The following SULF1 variants were observed in gnomAD, a reference collection of about 807,000 sequenced individuals.
SULF1 encodes the protein sulfatase 1.
In SULF1, 46 loss-of-function variants were observed where a neutral mutation model predicts 110.5. That is an observed-to-expected ratio of 0.42 (90% confidence interval 0.33 to 0.53). The LOEUF is 0.53. Ranked by LOEUF, SULF1 falls within the 20% of genes least tolerant of loss-of-function variation. The pLI is 0.12. For missense variants in SULF1, 941 were observed against 1,094.2 expected, an observed-to-expected ratio of 0.86 and a Z score of 1.98; for synonymous variants, 371 against 387.1, an observed-to-expected ratio of 0.96 and a Z score of 0.49.
intron 13 of SULF1, among the ~76,000 whole-genome samples, chr8:69,615,662 A>T (rs1417002907): frequency 6.6e-6 from 1 of 152,200 alleles, no homozygotes; most frequent in Non-Finnish European, 1.5e-5. Flanking sequence ...TTGATTTCGT[A>T]TGATACATCA....
intron 5 of SULF1, among the ~76,000 whole-genome samples, chr8:69,565,257 C>T (rs1815793439): frequency 6.6e-6 from 1 of 151,306 alleles, no homozygotes; most frequent in Non-Finnish European, 1.5e-5. Flanking sequence ...TATTGATTTT[C>T]AGGCGACAGG....
At chr8:69,576,876 A>T (rs895029932) in intron 6 of SULF1, among the ~76,000 whole-genome samples, 4 of 152,202 alleles carry the variant, frequency 2.6e-5, no homozygotes, top group Admixed American at 6.5e-5. Flanking sequence ...ATAAGAATCA[A>T]ATATGTTATG....
intron 3 of SULF1, among the ~76,000 whole-genome samples, chr8:69,523,632 G>T (rs530931669): frequency 5.3e-5 from 8 of 152,118 alleles, no homozygotes; most frequent in Non-Finnish European, 1.2e-4. Flanking sequence ...GAAGGAGGTT[G>T]AGAATGTTTA....
intron 22 of SULF1, among the ~76,000 whole-genome samples, chr8:69,641,370 C>T (rs189672013): frequency 4.6e-5 from 7 of 152,036 alleles, no homozygotes; most frequent in Admixed American, 1.3e-4. Flanking sequence ...AAGCAGCAGC[C>T]GTAAGATTCT....
intron 19 of SULF1, among the ~76,000 whole-genome samples, chr8:69,631,701 T>C (rs1810560836): frequency 6.6e-6 from 1 of 152,212 alleles, no homozygotes; most frequent in Non-Finnish European, 1.5e-5. Flanking sequence ...CATCTCAAGC[T>C]CCCTCTCGCC....
At chr8:69,526,963 A>G (rs1812741265) in intron 3 of SULF1, among the ~76,000 whole-genome samples, 1 of 152,208 alleles carries the variant, frequency 6.6e-6, no homozygotes, top group Non-Finnish European at 1.5e-5. Flanking sequence ...AAAAATAATA[A>G]TAGACTCTTG....
In SULF1 at chr8:69,535,668, C is replaced by G. The variant is rs138873046; in HGVS notation, c.-133-27871C>G. On this transcript the variant is annotated intron_variant, in intron 3 of 22. Coordinates refer to ENST00000402687, the MANE Select transcript of SULF1 (RefSeq NM_001128205.2). Reference sequence around the variant, plus strand: ...GATGAGGGTGCCAACTAAGGAGAGCCAGTGGGGAGCAGGTATTAGAAAATG... The same window carrying G: ...GATGAGGGTGCCAACTAAGGAGAGCGAGTGGGGAGCAGGTATTAGAAAATG... Among the ~76,000 whole-genome samples, 508 of 152,062 alleles carry G rather than the reference C, an allele frequency of 3.3e-3. 3 individuals carry two copies. Among genetic ancestry groups the G allele is most frequent in the African/African-American group, 0.012 (486 of 41,480 alleles).
intron 13 of SULF1, 32 bp downstream of exon 13, chr8:69,604,964 CAT>C: frequency 6.2e-7 from 1 of 1,607,116 alleles, no homozygotes; most frequent in Non-Finnish European, 8.5e-7. Context: ...TACCACCACT[CAT>C]GTGCTTCTCC....
intron 13 of SULF1, among the ~76,000 whole-genome samples, chr8:69,608,298 A>G (rs916379158): frequency 3.9e-5 from 6 of 152,276 alleles, no homozygotes; most frequent in African/African-American, 9.6e-5. Context: ...TGAGACTGAG[A>G]TTTTCTCTAG....
chr8:69,658,671 T>C lies in SULF1; in HGVS notation c.*136T>C, dbSNP rs1056688288. On this transcript the variant is annotated 3_prime_UTR_variant, in exon 23 of 23. Coordinates refer to ENST00000402687, the MANE Select transcript of SULF1 (RefSeq NM_001128205.2). Reference sequence around the variant, plus strand: ...GGACTAATTACTTGAAGGATTTAGATAGAGTATTTGCACTGCTGAAGAGTC... The same window carrying C: ...GGACTAATTACTTGAAGGATTTAGACAGAGTATTTGCACTGCTGAAGAGTC... The C allele has an allele frequency of 1.3e-6, 1 of 771,490 alleles. No individual in the cohort carries two copies. Among genetic ancestry groups the C allele is most frequent in the Non-Finnish European group, 2.3e-6 (1 of 433,912 alleles). 47.8% of individuals were successfully genotyped at this position (771,490 alleles called of 1,614,324 possible).
chr8:69,615,311 C>T (rs1809008012), intron 13 of SULF1, among the ~76,000 whole-genome samples: 1 of 152,196 alleles, frequency 6.6e-6, no homozygotes, highest in African/African-American at 2.4e-5. Flanking sequence ...TCTAAGATCA[C>T]CACTTTAGTT....
chr8:69,508,112 T>A (rs960548609), intron 3 of SULF1, among the ~76,000 whole-genome samples: 40 of 138,794 alleles, frequency 2.9e-4, no homozygotes, highest in Admixed American at 5.8e-4. Flanking sequence ...AATTATTATT[T>A]TTTTTTTTTT....
At chr8:69,512,693 C>A (rs988597333) in intron 3 of SULF1, among the ~76,000 whole-genome samples, 1 of 152,094 alleles carries the variant, frequency 6.6e-6, no homozygotes, top group African/African-American at 2.4e-5. Flanking sequence ...CTTGTCTTAG[C>A]ACGAGTGTTC....
intron 6 of SULF1, among the ~76,000 whole-genome samples, chr8:69,581,012 T>C (rs188028982): frequency 5.3e-5 from 8 of 152,296 alleles, no homozygotes; most frequent in South Asian, 2.1e-4. Context: ...AGATTCTTGA[T>C]ACATGCATAA....
intron 15 of SULF1, among the ~76,000 whole-genome samples, chr8:69,624,428 C>T (rs774277750): frequency 6.6e-6 from 1 of 152,230 alleles, no homozygotes; most frequent in Non-Finnish European, 1.5e-5. Flanking sequence ...GCTAGGAATC[C>T]AGCCAGAGTA....
At chr8:69,543,165 T>C (rs929324465) in intron 3 of SULF1, among the ~76,000 whole-genome samples, 19 of 152,198 alleles carry the variant, frequency 1.2e-4, no homozygotes, top group Non-Finnish European at 7.4e-5. Flanking sequence ...ATACATTCCA[T>C]ACTTGCAAAT....
At chr8:69,642,342 G>C (rs982855654) in intron 22 of SULF1, 2 of 987,092 alleles carry the variant, frequency 2.0e-6, no homozygotes, top group Non-Finnish European at 2.4e-6. Context: ...CAACAGGAAA[G>C]GTGATGGGAA....
At chr8:69,560,191 C>A (rs1815385451) in intron 3 of SULF1, among the ~76,000 whole-genome samples, 1 of 152,144 alleles carries the variant, frequency 6.6e-6, no homozygotes, top group Non-Finnish European at 1.5e-5. Context: ...GACCTAGCAC[C>A]AAGCTGCCCA....
At chr8:69,527,242 A>G (rs1812762852) in intron 3 of SULF1, among the ~76,000 whole-genome samples, 1 of 152,148 alleles carries the variant, frequency 6.6e-6, no homozygotes, top group Non-Finnish European at 1.5e-5. Context: ...TCGTAACCAT[A>G]TTATCAATCT....
Sources: gnomAD v4.1 joint callset for allele counts (sites outside exome capture counted in the v4.1 genomes callset) on GRCh38, gnomAD v4.1.1 for gene constraint, MANE v1.5 for transcripts, NCBI Gene and HGNC (gene_info 2026-07-23, HGNC 2026-07-21) for gene names.